Variants in IFT56 observed in about 807,000 individuals in gnomAD.
IFT56 encodes intraflagellar transport 56, also known as intraflagellar transport protein 56.
At chr7:139,160,973 A>C in the IFT56 span, 7 of 1,613,636 alleles carry the variant, frequency 4.3e-6, no homozygotes, top group Non-Finnish European at 5.9e-6. Context: ...TTGATGGACA[A>C]TGCTTCTTCA....
the IFT56 span, chr7:139,173,220 G>A: frequency 2.3e-6 from 1 of 442,630 alleles, no homozygotes; most frequent in African/African-American, 2.1e-5. Flanking sequence ...CTTGTACAAA[G>A]TCACCTTTTT....
the IFT56 span, among the ~76,000 whole-genome samples, chr7:139,164,890 G>A: frequency 1.3e-5 from 2 of 152,080 alleles, no homozygotes; most frequent in Admixed American, 6.6e-5. Context: ...ATTATGACAA[G>A]GCTGTTAAGA....
chr7:139,143,944 C>A, the IFT56 span, among the ~76,000 whole-genome samples: 7 of 152,176 alleles, frequency 4.6e-5, no homozygotes, highest in East Asian at 5.8e-4. Context: ...AATTAAAGGA[C>A]CTTAGATCAT....
the IFT56 span, among the ~76,000 whole-genome samples, chr7:139,184,826 G>T: frequency 3.3e-5 from 5 of 151,824 alleles, no homozygotes; most frequent in Non-Finnish European, 7.4e-5. Flanking sequence ...AGGCTGAGGC[G>T]GGCGGATCAC....
chr7:139,165,938 C>T, the IFT56 span, among the ~76,000 whole-genome samples: 2 of 152,050 alleles, frequency 1.3e-5, no homozygotes, highest in African/African-American at 4.8e-5. Context: ...AACAGTCCTA[C>T]TTTATTTTAT....
At chr7:139,184,658 C>T in the IFT56 span, among the ~76,000 whole-genome samples, 1 of 152,118 alleles carries the variant, frequency 6.6e-6, no homozygotes, top group East Asian at 1.9e-4. Flanking sequence ...CCTGTAATCC[C>T]AGTACTTTGG....
At chr7:139,191,979 G>C in the IFT56 span, 1 of 151,986 alleles carries the variant, frequency 6.6e-6, no homozygotes, top group Admixed American at 6.6e-5. Flanking sequence ...TTTATTATTT[G>C]ATTCTTAGTA....
the IFT56 span, chr7:139,189,511 A>G: frequency 1.0e-6 from 1 of 978,244 alleles, no homozygotes; most frequent in Non-Finnish European, 1.6e-6. Flanking sequence ...TTAATCTGTG[A>G]TACAGGGCTC....
chr7:139,179,688 C>A, the IFT56 span: 4 of 1,488,394 alleles, frequency 2.7e-6, no homozygotes, highest in Admixed American at 7.1e-5. Context: ...TCCTCTTTTT[C>A]TTTTTGGTTG....
the IFT56 span, among the ~76,000 whole-genome samples, chr7:139,175,700 A>C: frequency 6.6e-6 from 1 of 151,938 alleles, no homozygotes; most frequent in Admixed American, 6.6e-5. Context: ...AAACACTTGA[A>C]CTCATGGAGA....
chr7:139,181,534 C>T, the IFT56 span, among the ~76,000 whole-genome samples: 1 of 152,160 alleles, frequency 6.6e-6, no homozygotes, highest in Admixed American at 6.5e-5. Flanking sequence ...CATCTGGAGA[C>T]ATAGATTGCG....
At chr7:139,135,243 C>T in the IFT56 span, among the ~76,000 whole-genome samples, 2 of 140,718 alleles carry the variant, frequency 1.4e-5, no homozygotes, top group African/African-American at 5.4e-5. Context: ...CATGCCACTG[C>T]ACTCCAGCCT....
the IFT56 span, among the ~76,000 whole-genome samples, chr7:139,155,643 G>A: frequency 3.9e-5 from 6 of 152,056 alleles, no homozygotes; most frequent in Admixed American, 2.0e-4. Flanking sequence ...CTTGGTCATC[G>A]TGAATAATCT....
the IFT56 span, among the ~76,000 whole-genome samples, chr7:139,174,664 G>GA: frequency 2.6e-5 from 4 of 151,976 alleles, no homozygotes; most frequent in African/African-American, 9.7e-5. Context: ...AACTCAATAG[G>GA]AAAAAAATCT....
chr7:139,177,182 AAAG>A, the IFT56 span, among the ~76,000 whole-genome samples: 4 of 151,340 alleles, frequency 2.6e-5, no homozygotes, highest in Admixed American at 2.0e-4. Context: ...AAAAAAAAAA[AAAG>A]AAAGAAAAGA....
the IFT56 span, among the ~76,000 whole-genome samples, chr7:139,158,524 G>A: frequency 3.9e-5 from 6 of 152,224 alleles, no homozygotes; most frequent in African/African-American, 1.4e-4. Context: ...AGGATCAGAT[G>A]TTGAAGTATA....
the IFT56 span, among the ~76,000 whole-genome samples, chr7:139,158,667 A>G: frequency 6.6e-6 from 1 of 152,108 alleles, no homozygotes; most frequent in African/African-American, 2.4e-5. Context: ...TAATCCCAGC[A>G]CTTTGGGAGG....
At chr7:139,157,944 G>A in the IFT56 span, among the ~76,000 whole-genome samples, 1 of 152,128 alleles carries the variant, frequency 6.6e-6, no homozygotes, top group Non-Finnish European at 1.5e-5. Flanking sequence ...AGTGATTGCA[G>A]TGGGGTGACA....
At chr7:139,189,494 C>G in the IFT56 span, 1 of 1,175,074 alleles carries the variant, frequency 8.5e-7, no homozygotes. Flanking sequence ...ATCATTTTCA[C>G]TCCAGTTTAA....
Sources: allele counts gnomAD v4.1 joint callset (sites outside exome capture counted in the v4.1 genomes callset), GRCh38; gene constraint gnomAD v4.1.1; transcripts MANE v1.5; gene names NCBI Gene and HGNC (gene_info 2026-07-23, HGNC 2026-07-21).